MON2: variants seen among roughly 807,000 people sequenced by gnomAD.
The protein encoded by MON2 is MON2 regulator of endosome-to-Golgi trafficking, also known as protein MON2 homolog.
A neutral mutation model predicts 208.6 loss-of-function variants in MON2; 84 were observed. The observed-to-expected ratio is 0.40, with a 90% CI of 0.34 to 0.48. The LOEUF (loss-of-function observed/expected upper bound fraction) is 0.48, where lower values mean the gene tolerates loss of function less well. Ranked by LOEUF, MON2 falls within the 20% of genes least tolerant of loss-of-function variation. The pLI is 0.59. For synonymous variants in MON2, 660 were observed against 694.0 expected (o/e 0.95, Z 0.77); for missense variants, 1,611 against 2,015.4 (o/e 0.80, Z 3.84).
chr12:62,490,149 T>A (rs2070035570), intron 2 of MON2: 1 of 322,780 alleles, frequency 3.1e-6, no homozygotes, highest in African/African-American at 2.2e-5. Context: ...ATCTCACAGT[T>A]GTATAATTTG....
intron 8 of MON2, among the ~76,000 whole-genome samples, chr12:62,523,917 ATTAT>A (rs1361356872): frequency 6.6e-6 from 1 of 152,146 alleles, no homozygotes; most frequent in Non-Finnish European, 1.5e-5. Flanking sequence ...TGCCTTGAAC[ATTAT>A]TTATTTATAA....
chr12:62,570,576 T>C (rs1185574370), intron 29 of MON2, among the ~76,000 whole-genome samples: 1 of 152,150 alleles, frequency 6.6e-6, no homozygotes, highest in East Asian at 1.9e-4. Flanking sequence ...ACCTAGATGA[T>C]ATAGCCTACT....
At chr12:62,559,110 C>A (rs2074104011) in intron 25 of MON2, among the ~76,000 whole-genome samples, 1 of 152,136 alleles carries the variant, frequency 6.6e-6, no homozygotes, top group Admixed American at 6.5e-5. Flanking sequence ...AGACCTACTT[C>A]AAGCTTTTCT....
chr12:62,544,054 G>T (rs530624450), intron 20 of MON2, among the ~76,000 whole-genome samples: 5 of 152,198 alleles, frequency 3.3e-5, no homozygotes, highest in African/African-American at 4.8e-5. Flanking sequence ...TTAAAAACAA[G>T]CTGCTTCTGC....
chr12:62,544,808 C>G (rs1565668437), intron 20 of MON2, 90 bp from the exon 21 acceptor site: 1 of 1,550,724 alleles, frequency 6.4e-7, no homozygotes, highest in East Asian at 2.4e-5. Context: ...TTTCTTCCAA[C>G]CCTTATTGAA....
chr12:62,589,736 C>G (rs1359848988), intron 34 of MON2, among the ~76,000 whole-genome samples: 1 of 134,592 alleles, frequency 7.4e-6, no homozygotes, highest in Non-Finnish European at 1.6e-5. Flanking sequence ...GTAGTCAGAC[C>G]CCATCTTTAA....
chr12:62,468,180 C>A (rs73323255), intron 1 of MON2, among the ~76,000 whole-genome samples: 27,227 of 150,098 alleles, frequency 0.18, 3,046 homozygotes, highest in African/African-American at 0.3. Context: ...AACAAAAAAA[C>A]CCACCAAAAA....
rs1195783911 is a variant in MON2, at chr12:62,526,114, C to T, written c.1400+12C>T. ...GCTAAAGCCACCTAGTAAGTAGTAG[C>T]AGCATTATTTTATAAGGAATGATGT... On this transcript the variant is annotated intron_variant, in intron 11 of 34. Transcript: ENST00000393630. The T allele has an allele frequency of 6.2e-7, 1 of 1,608,832 alleles. No individual in the cohort carries two copies. Among genetic ancestry groups the T allele is most frequent in the South Asian group, 1.1e-5 (1 of 90,880 alleles).
At chr12:62,534,970 A>G (rs748774161) in intron 13 of MON2, 44 bp downstream of exon 13, 2 of 1,357,764 alleles carry the variant, frequency 1.5e-6, no homozygotes. Flanking sequence ...TGTCAGTTAA[A>G]AAAAACACAT....
intron 34 of MON2, among the ~76,000 whole-genome samples, 168 bp from the exon 35 acceptor site, chr12:62,592,418 A>C (rs1165221447): frequency 6.6e-6 from 1 of 152,228 alleles, no homozygotes; most frequent in Admixed American, 6.5e-5. Context: ...CTTATTAAAT[A>C]TAGCAGGAAA....
chr12:62,536,204 C>A lies in MON2; in HGVS notation c.1900+495C>A, dbSNP rs1274912191. Among the ~76,000 whole-genome samples the A allele has an allele frequency of 2.8e-5, 4 of 141,042 alleles. No individual in the cohort carries two copies. In the East Asian group the frequency reaches 8.1e-4, roughly 28 times the overall value. The allele number at this position is 141,042 out of a possible 152,430, so 92.5% of individuals were successfully genotyped here. A position where few individuals can be genotyped will look rare whatever the true frequency, so the allele number is the denominator to read the frequency against. On this transcript the variant is annotated intron_variant, in intron 14 of 34. Transcript: ENST00000393630. ...GAAGTCCTTTGTAAACTATGAGATA[C>A]CATTGAAATGGTGATTGTTATTTTT...
chr12:62,524,460 C>T, intron 8 of MON2, 55 bp from the exon 9 acceptor site: 2 of 1,411,170 alleles, frequency 1.4e-6, no homozygotes, highest in South Asian at 2.4e-5. Context: ...AGAACACAGT[C>T]TATAATTCTT....
At chr12:62,555,665 C>T (rs1356158782) in intron 24 of MON2, among the ~76,000 whole-genome samples, 1 of 152,146 alleles carries the variant, frequency 6.6e-6, no homozygotes, top group East Asian at 1.9e-4. Context: ...CAAAAATTAG[C>T]TGGTGTGGTG....
At chr12:62,535,461 C>T in intron 13 of MON2, 64 bp from the exon 14 acceptor site, 2 of 1,206,688 alleles carry the variant, frequency 1.7e-6, no homozygotes, top group Non-Finnish European at 2.3e-6. Context: ...CTTAATTCCA[C>T]ATCATGCTTT....
intron 19 of MON2, among the ~76,000 whole-genome samples, chr12:62,540,719 A>T (rs1030652634): frequency 2.6e-5 from 4 of 152,206 alleles, no homozygotes; most frequent in African/African-American, 9.6e-5. Context: ...CCCTTTTAGG[A>T]TTTAATTTTG....
chr12:62,540,053 T>C (rs2073164553), intron 19 of MON2, among the ~76,000 whole-genome samples: 1 of 152,200 alleles, frequency 6.6e-6, no homozygotes, highest in South Asian at 2.1e-4. Flanking sequence ...TTTTGATACC[T>C]TTAATAATTC....
rs80027172 is a variant in MON2 at position 62,587,956 on chromosome 12, T to C, written c.4908-118T>C. 485 of 621,318 alleles carry C rather than the reference T, an allele frequency of 7.8e-4. 3 individuals are homozygous for C. The African/African-American group carries it at 8.1e-3, about 10-fold the overall frequency. 38.5% of individuals were successfully genotyped at this position (621,318 alleles called of 1,614,324 possible). On this transcript the variant is annotated intron_variant, in intron 33 of 34. Transcript: ENST00000393630. ...ATTTAAAACTAACATTAACCTTGCA[T>C]TGTATTGTGTTCAGTATTTTTCAAA...
intron 8 of MON2, among the ~76,000 whole-genome samples, chr12:62,511,999 T>C (rs201553720): frequency 6.9e-6 from 1 of 145,552 alleles, no homozygotes; most frequent in Non-Finnish European, 1.5e-5. Flanking sequence ...GAAACCCCCC[T>C]TTTAAAACCA....
At chr12:62,530,138 C>T (rs970827095) in intron 11 of MON2, among the ~76,000 whole-genome samples, 7 of 152,102 alleles carry the variant, frequency 4.6e-5, no homozygotes, top group African/African-American at 1.2e-4. Flanking sequence ...CTCTTTACCC[C>T]CAAACCTCCA....
Sources: allele counts gnomAD v4.1 joint callset (sites outside exome capture counted in the v4.1 genomes callset), GRCh38; gene constraint gnomAD v4.1.1; transcripts MANE v1.5; gene names NCBI Gene and HGNC (gene_info 2026-07-23, HGNC 2026-07-21).